GSDMC: variants seen among roughly 807,000 people sequenced by gnomAD.
The protein encoded by GSDMC is gasdermin C.
In GSDMC, 59 loss-of-function variants were observed where a neutral mutation model predicts 58.0. That is an observed-to-expected ratio of 1.02 (90% CI 0.82 to 1.26). The LOEUF (loss-of-function observed/expected upper bound fraction) is 1.26, where lower values mean the gene tolerates loss of function less well. Ranked by LOEUF, GSDMC falls within the 50% of genes most tolerant of loss-of-function variation. The pLI, the probability that GSDMC is intolerant of heterozygous loss-of-function variation, is 0.00. For synonymous variants in GSDMC, 241 were observed against 220.2 expected, an observed-to-expected ratio of 1.09 and a Z score of -0.83; for missense variants, 659 against 598.5, an observed-to-expected ratio of 1.10 and a Z score of -1.06.
the GSDMC span, among the ~76,000 whole-genome samples, chr8:129,720,164 C>T: frequency 1.1e-3 from 165 of 152,246 alleles, no homozygotes; most frequent in African/African-American, 3.6e-3. Context: ...AGTAGAAGCC[C>T]TAGTCTGCCA....
At chr8:129,709,819 A>G in the GSDMC span, among the ~76,000 whole-genome samples, 1 of 152,066 alleles carries the variant, frequency 6.6e-6, no homozygotes, top group Non-Finnish European at 1.5e-5. Flanking sequence ...TCTCTTTCCT[A>G]CAATAAGGCT....
chr8:129,751,828 T>TCCC, intron 9 of GSDMC, 34 bp downstream of exon 9: 5 of 1,576,992 alleles, frequency 3.2e-6, no homozygotes, highest in Non-Finnish European at 4.4e-6. Flanking sequence ...CAGGATGGGA[T>TCCC]CCCCACCCCC....
At chr8:129,719,139 A>C in the GSDMC span, among the ~76,000 whole-genome samples, 7 of 152,204 alleles carry the variant, frequency 4.6e-5, no homozygotes, top group African/African-American at 1.7e-4. Context: ...CCATGTAACA[A>C]ACCTGCATGT....
intron 6 of GSDMC, among the ~76,000 whole-genome samples, chr8:129,757,121 C>T (rs531715452): frequency 6.6e-6 from 1 of 151,164 alleles, no homozygotes; most frequent in South Asian, 2.1e-4. Context: ...AAAAAGTTGG[C>T]TTTTTGAAAA....
Position 129,762,611 on chromosome 8 carries a change from C to T in GSDMC, c.676+15G>A. The T allele has an allele frequency of 6.5e-7, 1 of 1,531,066 alleles. No homozygotes were observed. The highest frequency in any genetic ancestry group is 9.1e-7 in the Non-Finnish European group (1 of 1,103,712). 94.8% of individuals were successfully genotyped at this position (1,531,066 alleles called of 1,614,324 possible). ...CTCCACTGCCATCTGCCTTGCTGAGCTCCGCTGCTCCCACCTTTCTCCTTG... is the reference window on the plus strand; with the variant it reads ...CTCCACTGCCATCTGCCTTGCTGAGTTCCGCTGCTCCCACCTTTCTCCTTG... On this transcript the variant is annotated intron_variant, in intron 5 of 13. Coordinates refer to ENST00000276708, the MANE Select transcript of GSDMC (RefSeq NM_031415.3).
At chr8:129,745,874 AC>A (rs1276765453), downstream of GSDMC, among the ~76,000 whole-genome samples, 1 of 92,608 alleles carries the variant, frequency 1.1e-5, no homozygotes, top group African/African-American at 9.3e-5. Flanking sequence ...GACTGCCCAG[AC>A]CCCCAGGTGA....
At chr8:129,727,983 T>C in the GSDMC span, among the ~76,000 whole-genome samples, 4 of 152,162 alleles carry the variant, frequency 2.6e-5, no homozygotes, top group Non-Finnish European at 5.9e-5. Flanking sequence ...TCTGAGATCA[T>C]GGTGTAGCAG....
chr8:129,725,361 T>G, the GSDMC span, among the ~76,000 whole-genome samples: 7 of 152,294 alleles, frequency 4.6e-5, no homozygotes, highest in African/African-American at 1.7e-4. Context: ...CATGCGTTCT[T>G]TTCTTTCTAA....
chr8:129,767,625 G>T (rs1365909444), intron 3 of GSDMC, among the ~76,000 whole-genome samples: 2 of 152,120 alleles, frequency 1.3e-5, no homozygotes, highest in Non-Finnish European at 2.9e-5. Context: ...AAACTGAGTA[G>T]CCCTACCTGG....
chr8:129,720,156 T>C, the GSDMC span, among the ~76,000 whole-genome samples: 2 of 152,074 alleles, frequency 1.3e-5, no homozygotes, highest in South Asian at 4.1e-4. Flanking sequence ...GGATCCAGAG[T>C]AGAAGCCCTA....
chr8:129,740,983 G>A, the GSDMC span, among the ~76,000 whole-genome samples: 2,796 of 152,106 alleles, frequency 0.018, 43 homozygotes, highest in Non-Finnish European at 0.03. Flanking sequence ...CAAGTCTTAC[G>A]TTTAAGTCTT....
intron 3 of GSDMC, among the ~76,000 whole-genome samples, chr8:129,775,456 A>G (rs570717831): frequency 6.6e-6 from 1 of 152,194 alleles, no homozygotes; most frequent in Non-Finnish European, 1.5e-5. Context: ...ACTATAATTA[A>G]CAATACTACA....
At chr8:129,713,027 C>A in the GSDMC span, among the ~76,000 whole-genome samples, 1 of 152,232 alleles carries the variant, frequency 6.6e-6, no homozygotes, top group Non-Finnish European at 1.5e-5. Context: ...GATCAGTGAT[C>A]TTTGCTATGC....
the GSDMC span, chr8:129,729,383 C>T: frequency 4.2e-5 from 17 of 405,366 alleles, no homozygotes; most frequent in African/African-American, 2.9e-4. Flanking sequence ...CATATGCAGA[C>T]ATGTGCCATG....
At chr8:129,737,012 C>G in the GSDMC span, among the ~76,000 whole-genome samples, 2 of 152,076 alleles carry the variant, frequency 1.3e-5, no homozygotes, top group Non-Finnish European at 2.9e-5. Context: ...AAACAAAGAG[C>G]CAAATCATGA....
At chr8:129,759,412 C>T (rs2033571233) in intron 6 of GSDMC, among the ~76,000 whole-genome samples, 1 of 152,226 alleles carries the variant, frequency 6.6e-6, no homozygotes, top group Non-Finnish European at 1.5e-5. Flanking sequence ...AAACAATCAA[C>T]AAAGTGAAGA....
intron 2 of GSDMC, among the ~76,000 whole-genome samples, chr8:129,777,155 C>T (rs779937998): frequency 8.5e-5 from 13 of 152,132 alleles, no homozygotes; most frequent in Non-Finnish European, 1.3e-4. Context: ...ACCTCATGAG[C>T]CTGATACAAA....
chr8:129,785,526 T>C (rs1308390866), intron 1 of GSDMC, among the ~76,000 whole-genome samples: 2 of 151,520 alleles, frequency 1.3e-5, no homozygotes, highest in African/African-American at 4.9e-5. Context: ...TCAATAATTG[T>C]ACAGTTAGAA....
At chr8:129,740,286 T>A in the GSDMC span, among the ~76,000 whole-genome samples, 1 of 152,162 alleles carries the variant, frequency 6.6e-6, no homozygotes, top group African/African-American at 2.4e-5. Context: ...AAGTGTATAG[T>A]ATTTATAAAG....
Sources: gnomAD v4.1 joint callset for allele counts (sites outside exome capture counted in the v4.1 genomes callset) on GRCh38, gnomAD v4.1.1 for gene constraint, MANE v1.5 for transcripts, NCBI Gene and HGNC (gene_info 2026-07-23, HGNC 2026-07-21) for gene names.